RBFOX1: variants seen among roughly 807,000 people sequenced by gnomAD.
RBFOX1 encodes the protein RNA binding protein fox-1 homolog 1.
RBFOX1 carries 8 observed loss-of-function variants against 57.7 expected under a neutral mutation model. The ratio of observed to expected loss-of-function variants is 0.14; its 90% CI spans 0.08 to 0.25. RBFOX1 has a LOEUF of 0.25. RBFOX1 is among the 10% of genes least tolerant of loss of function. The probability of loss-of-function intolerance (pLI) is 1.00; values close to 1 mark genes in which losing one functional copy is unlikely to be tolerated. For synonymous variants in RBFOX1, 326 were observed against 222.4 expected (o/e 1.47, Z -4.15); for missense variants, 611 against 548.5 (o/e 1.11, Z -1.14).
chr16:6,308,145 A>G (rs2079760658), intron 1 of RBFOX1, among the ~76,000 whole-genome samples: 1 of 151,282 alleles, frequency 6.6e-6, no homozygotes, highest in South Asian at 2.1e-4. Context: ...TTATTTACTG[A>G]GTTATTTGGA....
At chr16:5,803,550 A>C (rs1472517187) in intron 3 of RBFOX1, among the ~76,000 whole-genome samples, 2 of 152,224 alleles carry the variant, frequency 1.3e-5, no homozygotes. Context: ...ACCGTGAAGC[A>C]TATGTATGGT....
intron 3 of RBFOX1, among the ~76,000 whole-genome samples, chr16:6,768,570 G>C (rs565196235): frequency 5.8e-4 from 88 of 151,758 alleles, no homozygotes; most frequent in African/African-American, 1.8e-3. Flanking sequence ...GTATGTATGA[G>C]AGAAAAAGAT....
chr16:7,488,678 T>C (rs1179948307), intron 4 of RBFOX1, among the ~76,000 whole-genome samples: 4 of 152,164 alleles, frequency 2.6e-5, no homozygotes, highest in African/African-American at 9.7e-5. Flanking sequence ...CCATCATCTA[T>C]CCATCTATCT....
At chr16:5,918,983 G>A (rs2058763184) in intron 4 of RBFOX1, among the ~76,000 whole-genome samples, 1 of 152,202 alleles carries the variant, frequency 6.6e-6, no homozygotes, top group Non-Finnish European at 1.5e-5. Flanking sequence ...ACAAGGAGGC[G>A]CAGTGGAGCC....
At chr16:6,926,505 G>T (rs550871881) in intron 3 of RBFOX1, among the ~76,000 whole-genome samples, 8 of 152,200 alleles carry the variant, frequency 5.3e-5, no homozygotes, top group Admixed American at 5.2e-4. Flanking sequence ...CATTTGTAGC[G>T]GTGTTATAGG....
chr16:7,456,943 T>G (rs1272750053), intron 4 of RBFOX1, among the ~76,000 whole-genome samples: 1 of 151,922 alleles, frequency 6.6e-6, no homozygotes, highest in Non-Finnish European at 1.5e-5. Flanking sequence ...CCAGGCTGAG[T>G]GCAATGGCGC....
chr16:6,678,882 T>C (rs973758764), intron 3 of RBFOX1, among the ~76,000 whole-genome samples: 1 of 152,160 alleles, frequency 6.6e-6, no homozygotes, highest in African/African-American at 2.4e-5. Context: ...TGTTTCCAAG[T>C]GTAGCATGAA....
intron 3 of RBFOX1, among the ~76,000 whole-genome samples, chr16:6,965,268 G>T (rs1233568391): frequency 1.3e-5 from 2 of 151,892 alleles, no homozygotes; most frequent in Non-Finnish European, 2.9e-5. Flanking sequence ...GAGAATTCAG[G>T]ACTAGAATGA....
At chr16:7,698,186 GTGTGTGTGT>G (rs2079418987) in intron 14 of RBFOX1, among the ~76,000 whole-genome samples, 34 of 103,284 alleles carry the variant, frequency 3.3e-4, no homozygotes, top group Middle Eastern at 5.4e-3. Flanking sequence ...CCAAGAGGGT[GTGTGTGTGT>G]GTGTGTGTGT....
At chr16:7,314,741 G>T (rs559807706) in intron 4 of RBFOX1, among the ~76,000 whole-genome samples, 1 of 152,254 alleles carries the variant, frequency 6.6e-6, no homozygotes, top group African/African-American at 2.4e-5. Context: ...CAACAGGCAG[G>T]GGAGAGGGCG....
intron 3 of RBFOX1, among the ~76,000 whole-genome samples, chr16:6,991,080 C>T (rs2091347636): frequency 6.9e-6 from 1 of 144,854 alleles, no homozygotes; most frequent in South Asian, 2.2e-4. Flanking sequence ...GGTGGGTGGC[C>T]TGCTTCAGCA....
intron 1 of RBFOX1, among the ~76,000 whole-genome samples, chr16:6,096,750 T>C (rs1167948974): frequency 6.6e-6 from 1 of 152,208 alleles, no homozygotes; most frequent in African/African-American, 2.4e-5. Context: ...ATTAGAGCTA[T>C]AAAAATACTA....
chr16:6,332,315 G>T (rs1174995439), intron 2 of RBFOX1, among the ~76,000 whole-genome samples: 2 of 152,142 alleles, frequency 1.3e-5, no homozygotes, highest in Non-Finnish European at 2.9e-5. Flanking sequence ...ACTGTGTGAG[G>T]CATTTTAGCT....
chr16:5,531,459 C>G (rs2151035000), intron 2 of RBFOX1, among the ~76,000 whole-genome samples: 1 of 152,312 alleles, frequency 6.6e-6, no homozygotes, highest in South Asian at 2.1e-4. Flanking sequence ...TAGCTTCTTT[C>G]TTTAAGTTCA....
intron 3 of RBFOX1, among the ~76,000 whole-genome samples, chr16:6,969,399 C>T (rs1304173186): frequency 6.7e-6 from 1 of 150,226 alleles, no homozygotes; most frequent in Non-Finnish European, 1.5e-5. Flanking sequence ...GTTCATGATG[C>T]ATATTTCACA....
chr16:5,344,429 A>G (rs2065096924), intron 1 of RBFOX1, among the ~76,000 whole-genome samples: 1 of 152,142 alleles, frequency 6.6e-6, no homozygotes, highest in Admixed American at 6.5e-5. Flanking sequence ...AAATCATGGC[A>G]CACTCAATTG....
intron 3 of RBFOX1, among the ~76,000 whole-genome samples, chr16:6,687,739 C>T (rs2059643694): frequency 6.6e-6 from 1 of 152,140 alleles, no homozygotes. Flanking sequence ...ATGGAAGGCT[C>T]ACAGCTACTC....
chr16:6,348,313 G>A (rs1283845750), intron 2 of RBFOX1, among the ~76,000 whole-genome samples: 1 of 152,190 alleles, frequency 6.6e-6, no homozygotes, highest in Non-Finnish European at 1.5e-5. Flanking sequence ...GTAAAAGAGA[G>A]ATGGTATAGA....
intron 4 of RBFOX1, among the ~76,000 whole-genome samples, chr16:7,274,939 C>T (rs1347339751): frequency 6.6e-6 from 1 of 152,124 alleles, no homozygotes; most frequent in East Asian, 1.9e-4. Context: ...CTGCCTCGGC[C>T]TCCCAAAGTG....
Sources: allele counts gnomAD v4.1 joint callset (sites outside exome capture counted in the v4.1 genomes callset), GRCh38; gene constraint gnomAD v4.1.1; transcripts MANE v1.5; gene names NCBI Gene and HGNC (gene_info 2026-07-23, HGNC 2026-07-21).